Variants in GMPS observed in about 807,000 individuals in gnomAD.
GMPS encodes GMP synthase [glutamine-hydrolyzing].
Under a neutral mutation model 77.9 loss-of-function variants are expected in GMPS, and 15 were observed. The ratio of observed to expected loss-of-function variants is 0.19; its 90% CI spans 0.13 to 0.30. The LOEUF is 0.30. Ranked by LOEUF, GMPS falls within the 10% of genes least tolerant of loss-of-function variation. The pLI, the probability that GMPS is intolerant of heterozygous loss-of-function variation, is 1.00. For synonymous variants in GMPS, 224 were observed against 275.9 expected (o/e 0.81, Z 1.86); for missense variants, 590 against 838.8 (o/e 0.70, Z 3.66).
intron 12 of GMPS, among the ~76,000 whole-genome samples, chr3:155,931,532 T>C (rs907497752): frequency 6.6e-6 from 1 of 152,162 alleles, no homozygotes; most frequent in Non-Finnish European, 1.5e-5. Context: ...CTTAGCTGAT[T>C]CAGGTAGGAT....
At chr3:155,888,852 T>C (rs143063668) in intron 1 of GMPS, among the ~76,000 whole-genome samples, 2,265 of 105,188 alleles carry the variant, frequency 0.022, 68 homozygotes, top group African/African-American at 0.075. Flanking sequence ...CCCAAAGTGC[T>C]GGGATTACAG....
intron 1 of GMPS, among the ~76,000 whole-genome samples, chr3:155,880,092 TTTC>T (rs771495635): frequency 2.6e-5 from 4 of 152,180 alleles, no homozygotes; most frequent in Non-Finnish European, 5.9e-5. Context: ...GCTTAATTTA[TTTC>T]TTCTTTTGTC....
Position 155,941,910 on chromosome 3 carries a change from C to T in GMPS, c.*4218C>T, listed in dbSNP as rs1038044178. The T allele has an allele frequency of 4.7e-6, 1 of 211,694 alleles. No homozygotes were observed. The highest frequency in any genetic ancestry group is 2.3e-5 in the African/African-American group (1 of 44,104). The allele number at this position is 211,694 out of a possible 1,614,324, so 13.1% of individuals were successfully genotyped here. On this transcript the variant is annotated 3_prime_UTR_variant, in exon 16 of 16. Transcript: ENST00000496455. ...CCAAAGAGTGTCAAGATGCTAACTT[C>T]CAACCCTATTTTTATGTACTGAAGA...
At chr3:155,882,718 T>C (rs1485916129) in intron 1 of GMPS, among the ~76,000 whole-genome samples, 3 of 152,266 alleles carry the variant, frequency 2.0e-5, no homozygotes, top group African/African-American at 7.2e-5. Context: ...CAACTTGTTA[T>C]GCAAATTTAT....
At chr3:155,913,595 C>T (rs1276671440) in intron 7 of GMPS, among the ~76,000 whole-genome samples, 1 of 151,336 alleles carries the variant, frequency 6.6e-6, no homozygotes, top group African/African-American at 2.4e-5. Flanking sequence ...AACCTCGGCT[C>T]ACTGCAACCT....
At chr3:155,890,978 A>G (rs1189588597) in intron 1 of GMPS, among the ~76,000 whole-genome samples, 1 of 152,162 alleles carries the variant, frequency 6.6e-6, no homozygotes, top group Admixed American at 6.5e-5. Flanking sequence ...AACACACTGC[A>G]CTCTGGCTGT....
In GMPS at chr3:155,941,641, T is replaced by C. The variant is rs1755894864; in HGVS notation, c.*3949T>C. ...TAGCTATCACCCCAATGGATGCTTC[T>C]TTCATTGACCCAAATCCAGAATGTA... is the stretch of plus-strand genomic sequence containing the variant. On this transcript the variant is annotated 3_prime_UTR_variant, in exon 16 of 16. Transcript: ENST00000496455. 1 of 222,360 alleles carries C rather than the reference T, an allele frequency of 4.5e-6. No homozygotes were observed. Among genetic ancestry groups the C allele is most frequent in the Non-Finnish European group, 9.0e-6 (1 of 111,340 alleles). The allele number at this position is 222,360 out of a possible 1,614,324, so 13.8% of individuals were successfully genotyped here. A position where few individuals can be genotyped will look rare whatever the true frequency, so the allele number is the denominator to read the frequency against.
At chr3:155,932,786 GC>G (rs1217642635) in intron 13 of GMPS, among the ~76,000 whole-genome samples, 1 of 152,200 alleles carries the variant, frequency 6.6e-6, no homozygotes, top group Non-Finnish European at 1.5e-5. Context: ...TTACAGGGAA[GC>G]CATGTTTTTA....
intron 4 of GMPS, among the ~76,000 whole-genome samples, chr3:155,904,781 T>C (rs1330681069): frequency 6.6e-6 from 1 of 152,196 alleles, no homozygotes; most frequent in Non-Finnish European, 1.5e-5. Flanking sequence ...TTCAGGAATC[T>C]TGTATGTGAT....
In GMPS at chr3:155,940,686, A is replaced by C. The variant is rs1308950439; in HGVS notation, c.*2994A>C. 4.8e-6 allele frequency: 1 copy of C among 208,870 alleles called. No individual in the cohort carries two copies. Among genetic ancestry groups the C allele is most frequent in the Admixed American group, 6.0e-5 (1 of 16,770 alleles). The allele number at this position is 208,870 out of a possible 1,614,324, so 12.9% of individuals were successfully genotyped here. A position where few individuals can be genotyped will look rare whatever the true frequency, so the allele number is the denominator to read the frequency against. On this transcript the variant is annotated 3_prime_UTR_variant, in exon 16 of 16. Transcript: ENST00000496455. ...GCATCAAATCCAGCTATAAATTTGTATTTTGTAAACAAGAGAAAGTAAAGC... is the reference window on the plus strand; with the variant it reads ...GCATCAAATCCAGCTATAAATTTGTCTTTTGTAAACAAGAGAAAGTAAAGC...
At chr3:155,888,399 A>C (rs1396244033) in intron 1 of GMPS, among the ~76,000 whole-genome samples, 1 of 151,860 alleles carries the variant, frequency 6.6e-6, no homozygotes, top group Non-Finnish European at 1.5e-5. Flanking sequence ...ATTCTCATAG[A>C]GACATCATTC....
intron 1 of GMPS, among the ~76,000 whole-genome samples, chr3:155,871,435 C>T (rs1479435621): frequency 6.6e-6 from 1 of 152,352 alleles, no homozygotes; most frequent in East Asian, 1.9e-4. Flanking sequence ...GCGAGGCCCG[C>T]TCCATTCCCC....
chr3:155,887,116 A>G (rs1754356733), intron 1 of GMPS, among the ~76,000 whole-genome samples: 1 of 152,174 alleles, frequency 6.6e-6, no homozygotes, highest in Non-Finnish European at 1.5e-5. Flanking sequence ...TCAGCCAGAA[A>G]GGACAGCATA....
Position 155,903,716 on chromosome 3 carries a change from G to A in GMPS, c.325-147G>A, listed in dbSNP as rs1229038651. ...ATAGTTATATATAACAATACCAAAT[G>A]GTCTACATTTATTAAACTCCTTTTA... On this transcript the variant is annotated intron_variant, in intron 3 of 15. Transcript: ENST00000496455. 16 of 489,090 alleles carry A rather than the reference G, an allele frequency of 3.3e-5. No individual in the cohort carries two copies. In the Admixed American group the frequency reaches 4.2e-4, roughly 13 times the overall value. 30.3% of individuals were successfully genotyped at this position (489,090 alleles called of 1,614,324 possible). A position where few individuals can be genotyped will look rare whatever the true frequency, so the allele number is the denominator to read the frequency against.
intron 13 of GMPS, among the ~76,000 whole-genome samples, chr3:155,933,776 A>C (rs1037838368): frequency 2.6e-5 from 4 of 152,214 alleles, no homozygotes; most frequent in Non-Finnish European, 5.9e-5. Flanking sequence ...TGGCACTCAT[A>C]TCTCTACCCT....
rs752951368 is a variant in GMPS, at chr3:155,910,871, A to T, written c.706A>T (p.Thr236Ser). Reference protein sequence around the residue: ...CIREIKERVGTSKVLVLLSGG... With the variant: ...CIREIKERVGSSKVLVLLSGG... ...TCGAGAGATCAAAGAGAGAGTAGGCACGTCAAAAGTTTTGGTAAGCAAATT... is the reference window on the plus strand; with the variant it reads ...TCGAGAGATCAAAGAGAGAGTAGGCTCGTCAAAAGTTTTGGTAAGCAAATT... The change falls in exon 6 of 16, where the codon ACG (threonine) becomes TCG (serine). Residue 236 changes from threonine (T) to serine (S), a missense_variant. By Grantham distance (58) the Thr-to-Ser change is moderately conservative. Coordinates refer to ENST00000496455, the MANE Select transcript of GMPS (RefSeq NM_003875.3). 87 of 1,577,160 alleles carry T rather than the reference A, an allele frequency of 5.5e-5. No individual in the cohort carries two copies. Among genetic ancestry groups the T allele is most frequent in the Admixed American group, 1.0e-4 (5 of 49,326 alleles).
At chr3:155,935,175 C>A in intron 14 of GMPS, 129 bp downstream of exon 14, 1 of 714,974 alleles carries the variant, frequency 1.4e-6, no homozygotes. Context: ...TTTGAATGTT[C>A]TATGATGTTG....
Position 155,942,787 on chromosome 3 carries a change from C to G in GMPS, c.*5095C>G, listed in dbSNP as rs4680222. On this transcript the variant is annotated 3_prime_UTR_variant, in exon 16 of 16. Coordinates refer to ENST00000496455, the MANE Select transcript of GMPS (RefSeq NM_003875.3). ...GCCACCGCTCCAATTCTGACTCTAG[C>G]TAGGTCATGAAACAGACTGAGCTAT... is the stretch of plus-strand genomic sequence containing the variant. 0.21 allele frequency: 46,136 copies of G among 222,298 alleles called. 4,966 individuals are homozygous for G. Among genetic ancestry groups the G allele is most frequent in the South Asian group, 0.27 (1,438 of 5,426 alleles). 13.8% of individuals were successfully genotyped at this position (222,298 alleles called of 1,614,324 possible).
chr3:155,922,270 A>T lies in GMPS; in HGVS notation c.1402A>T (p.Ile468Leu). ...DFPETNNILK[I>L]VADFSASVKK... ...TCCTGAAACCAACAATATTTTGAAA[A>T]TAGTAGCTGATTTTTCTGCAAGTGT... The change falls in exon 11 of 16, where the codon ATA (isoleucine) becomes TTA (leucine). Residue 468 changes from isoleucine to leucine, a missense_variant. By Grantham distance (5) the Ile-to-Leu change is conservative. This residue lies in a region of GMPS where 64 missense variants were observed against 114.5 expected (regional missense o/e 0.56). Coordinates refer to ENST00000496455, the MANE Select transcript of GMPS (RefSeq NM_003875.3). The T allele has an allele frequency of 6.6e-7, 1 of 1,515,600 alleles. No individual in the cohort carries two copies. The highest frequency in any genetic ancestry group is 9.0e-7 in the Non-Finnish European group (1 of 1,115,562). 93.9% of individuals were successfully genotyped at this position (1,515,600 alleles called of 1,614,324 possible). A position where few individuals can be genotyped will look rare whatever the true frequency, so the allele number is the denominator to read the frequency against.
Sources: allele counts gnomAD v4.1 joint callset (sites outside exome capture counted in the v4.1 genomes callset), GRCh38; gene constraint gnomAD v4.1.1; regional missense constraint gnomAD v4.1.1; transcripts MANE v1.5; gene names NCBI Gene and HGNC (gene_info 2026-07-23, HGNC 2026-07-21).